Variants in TENM4 observed in about 807,000 individuals in gnomAD.
TENM4 encodes teneurin transmembrane protein 4.
In TENM4, 82 loss-of-function variants were observed where a neutral mutation model predicts 243.3. The ratio of observed to expected loss-of-function variants is 0.34; its 90% CI spans 0.28 to 0.40. TENM4 has a LOEUF of 0.40. Among genes scored for constraint, TENM4 ranks in the 10% least tolerant of loss-of-function variants. The probability of loss-of-function intolerance (pLI) is 1.00; values close to 1 mark genes in which losing one functional copy is unlikely to be tolerated. For synonymous variants in TENM4, 1,412 were observed against 1,456.3 expected (o/e 0.97, Z 0.69); for missense variants, 3,138 against 3,673.3 (o/e 0.85, Z 3.77).
intron 1 of TENM4, among the ~76,000 whole-genome samples, chr11:79,345,222 G>A (rs1419449499): frequency 6.6e-6 from 1 of 152,108 alleles, no homozygotes; most frequent in African/African-American, 2.4e-5. Flanking sequence ...AAGAAACACG[G>A]GTGGATTTCT....
rs1565219757 is a variant in TENM4 at position 79,138,865 on chromosome 11, C to CATTATATTTATATAAATATATAAAATATA, written c.-66+9844_-66+9845insTATATTTTATATATTTATATAAATATAAT. Among the ~76,000 whole-genome samples the CATTATATTTATATAAATATATAAAATATA allele has an allele frequency of 2.0e-3, 178 of 90,436 alleles. 13 individuals are homozygous for CATTATATTTATATAAATATATAAAATATA. Among genetic ancestry groups the CATTATATTTATATAAATATATAAAATATA allele is most frequent in the African/African-American group, 8.7e-3 (169 of 19,536 alleles). 59.3% of individuals were successfully genotyped at this position (90,436 alleles called of 152,430 possible). A position where few individuals can be genotyped will look rare whatever the true frequency, so the allele number is the denominator to read the frequency against. On this transcript the variant is annotated intron_variant, in intron 4 of 33. Transcript: ENST00000278550. ...TATTTATATAAATATACAAAATATA[C>CATTATATTTATATAAATATATAAAATATA]CTTATATTTATATAAATATATAAAA... is the stretch of plus-strand genomic sequence containing the variant.
At chr11:78,903,809 T>A (rs1855997273) in intron 6 of TENM4, 1 of 676,478 alleles carries the variant, frequency 1.5e-6, no homozygotes, top group African/African-American at 1.8e-5. Flanking sequence ...TAGTTACCCA[T>A]CTCAGCAACT....
intron 4 of TENM4, among the ~76,000 whole-genome samples, chr11:79,138,110 G>C (rs1038654491): frequency 6.6e-6 from 1 of 150,986 alleles, no homozygotes. Context: ...AATATAAGCC[G>C]GCAGAAAAAT....
intron 17 of TENM4, among the ~76,000 whole-genome samples, chr11:78,775,107 T>C (rs1302280898): frequency 6.6e-6 from 1 of 152,164 alleles, no homozygotes; most frequent in Non-Finnish European, 1.5e-5. Context: ...TGAATATCAA[T>C]ATATTAAAGG....
intron 3 of TENM4, among the ~76,000 whole-genome samples, chr11:79,187,302 C>T (rs370647556): frequency 6.6e-6 from 1 of 152,160 alleles, no homozygotes; most frequent in African/African-American, 2.4e-5. Flanking sequence ...AAATAAAACA[C>T]AGTTTCTTCC....
intron 1 of TENM4, among the ~76,000 whole-genome samples, chr11:79,369,882 T>A (rs1857748380): frequency 1.3e-5 from 2 of 152,198 alleles, no homozygotes; most frequent in Non-Finnish European, 2.9e-5. Flanking sequence ...ATTTAATAAA[T>A]GGCTCTTAGA....
In TENM4 at chr11:78,891,128, C is replaced by T. The variant is rs527937907; in HGVS notation, c.848+110G>A. 3.6e-5 allele frequency: 35 copies of T among 967,104 alleles called. 1 individual carries two copies. In the South Asian group the frequency reaches 5.3e-4, roughly 15 times the overall value. 59.9% of individuals were successfully genotyped at this position (967,104 alleles called of 1,614,324 possible). ...CACGGACTTGGTGATGAGCATGCCA[C>T]ATGGATCACCTCCCCCAGAAGATCC... On this transcript the variant is annotated intron_variant, in intron 8 of 33. Transcript: ENST00000278550.
chr11:78,931,932 G>A (rs603107), intron 6 of TENM4, among the ~76,000 whole-genome samples: 27,470 of 152,178 alleles, frequency 0.18, 2,787 homozygotes, highest in Middle Eastern at 0.24. Flanking sequence ...ATTTGAGGCT[G>A]CAGTGAGCCA....
chr11:78,904,288 A>T (rs1379113625), intron 6 of TENM4, among the ~76,000 whole-genome samples: 1 of 147,964 alleles, frequency 6.8e-6, no homozygotes, highest in African/African-American at 2.6e-5. Context: ...TGAACCTGGG[A>T]GGCGGAGCTT....
chr11:79,404,196 GA>G (rs1261038738), intron 1 of TENM4, among the ~76,000 whole-genome samples: 41 of 152,318 alleles, frequency 2.7e-4, no homozygotes, highest in African/African-American at 9.9e-4. Context: ...TTGTGGAAAA[GA>G]AAATCTGCTT....
chr11:79,416,440 G>T (rs557068645), intron 1 of TENM4, among the ~76,000 whole-genome samples: 9 of 152,216 alleles, frequency 5.9e-5, no homozygotes, highest in Non-Finnish European at 1.2e-4. Flanking sequence ...TCTTGTGGCG[G>T]TTTTAATTTT....
intron 2 of TENM4, among the ~76,000 whole-genome samples, chr11:79,226,850 A>T (rs1864276927): frequency 6.6e-6 from 1 of 152,212 alleles, no homozygotes; most frequent in Non-Finnish European, 1.5e-5. Context: ...AGAAAAGAGC[A>T]AGAGTTTTCT....
chr11:78,708,340 T>C, intron 27 of TENM4, 21 bp downstream of exon 27: 2 of 1,613,546 alleles, frequency 1.2e-6, no homozygotes, highest in South Asian at 2.2e-5. Flanking sequence ...CCCAGGGCTT[T>C]GGTAGATGAA....
At chr11:79,354,990 C>T (rs1316545824) in intron 1 of TENM4, among the ~76,000 whole-genome samples, 2 of 152,072 alleles carry the variant, frequency 1.3e-5, no homozygotes, top group African/African-American at 4.8e-5. Flanking sequence ...AAGATGGATC[C>T]CTAGCGGCTA....
chr11:79,409,080 GT>G (rs1858633404), intron 1 of TENM4, among the ~76,000 whole-genome samples: 1 of 117,002 alleles, frequency 8.5e-6, no homozygotes, highest in Non-Finnish European at 1.9e-5. Flanking sequence ...GTGTGTGTGT[GT>G]GTGTGTGTGT....
chr11:79,114,196 C>A (rs1861570530), intron 4 of TENM4, among the ~76,000 whole-genome samples: 1 of 152,132 alleles, frequency 6.6e-6, no homozygotes, highest in Non-Finnish European at 1.5e-5. Flanking sequence ...CCTCCTCTCT[C>A]AATGTCTTGT....
At chr11:78,776,369 T>G (rs1480335805) in intron 17 of TENM4, among the ~76,000 whole-genome samples, 1 of 152,220 alleles carries the variant, frequency 6.6e-6, no homozygotes, top group Non-Finnish European at 1.5e-5. Context: ...CATCACACTT[T>G]GTTGGAATTA....
In TENM4 at chr11:78,652,906, ACT is replaced by A. The variant is rs1172694067; in HGVS notation, c.*5150_*5151del. On this transcript the variant is annotated 3_prime_UTR_variant, in exon 34 of 34. Coordinates refer to ENST00000278550, the MANE Select transcript of TENM4 (RefSeq NM_001098816.3). Reference sequence around the variant, plus strand: ...GTGGAAGGCAGTGGCATGGTGGATGACTCTGTGTGCCCAGTGGTGGAGCAAGG... The same window carrying A: ...GTGGAAGGCAGTGGCATGGTGGATGACTGTGTGCCCAGTGGTGGAGCAAGG... The A allele has an allele frequency of 3.9e-5, 6 of 152,196 alleles. No homozygotes were observed. The South Asian group carries it at 1.0e-3, about 26-fold the overall frequency. 9.4% of individuals were successfully genotyped at this position (152,196 alleles called of 1,614,324 possible).
chr11:78,901,368 A>C (rs1855925928), intron 7 of TENM4, among the ~76,000 whole-genome samples: 1 of 152,176 alleles, frequency 6.6e-6, no homozygotes, highest in South Asian at 2.1e-4. Flanking sequence ...AAGTATAAAT[A>C]AAAAGAAAAA....
Sources: gnomAD v4.1 joint callset for allele counts (sites outside exome capture counted in the v4.1 genomes callset) on GRCh38, gnomAD v4.1.1 for gene constraint, MANE v1.5 for transcripts, NCBI Gene and HGNC (gene_info 2026-07-23, HGNC 2026-07-21) for gene names.